Variants in DENND2B observed in about 807,000 individuals in gnomAD.
DENND2B encodes DENN domain containing 2B.
DENND2B carries 32 observed loss-of-function variants against 116.0 expected under a neutral mutation model. That is an observed-to-expected ratio of 0.28 (90% CI 0.21 to 0.37). The LOEUF is 0.37. DENND2B is among the 10% of genes least tolerant of loss of function. The pLI, the probability that DENND2B is intolerant of heterozygous loss-of-function variation, is 1.00. For synonymous variants in DENND2B, 588 were observed against 583.9 expected (o/e 1.01, Z -0.10); for missense variants, 1,276 against 1,477.7 (o/e 0.86, Z 2.24).
In DENND2B at chr11:8,697,593, G is replaced by A; in HGVS notation, c.2984C>T (p.Ala995Val). 9.3e-6 allele frequency: 15 copies of A among 1,614,246 alleles called. No individual in the cohort carries two copies. Among genetic ancestry groups the A allele is most frequent in the Non-Finnish European group, 5.9e-6 (7 of 1,180,018 alleles). The change falls in exon 17 of 20, where the codon GCT becomes GTT. Residue 995 changes from alanine to valine, a missense_variant. Around this residue, in one of 2 missense-constraint regions of DENND2B, gnomAD observed 420 missense variants for 631.1 expected, o/e 0.67. Transcript: ENST00000313726. ...DTLLPRKLQAALEQALERKNE... is the reference protein window; with the variant it reads ...DTLLPRKLQAVLEQALERKNE... ...CTTCCTCTCCAGAGCCTGCTCCAGA[G>A]CTGCCTGTAACTTCCTAGGTAACAA...
At chr11:8,870,332 T>A (rs915721957) in intron 2 of DENND2B, among the ~76,000 whole-genome samples, 1 of 152,242 alleles carries the variant, frequency 6.6e-6, no homozygotes, top group Non-Finnish European at 1.5e-5. Context: ...AATTATTGGA[T>A]AACGTGCCAT....
intron 4 of DENND2B, among the ~76,000 whole-genome samples, chr11:8,820,854 GCTCACATCTGTAAT>G (rs1459552060): frequency 6.6e-6 from 1 of 152,168 alleles, no homozygotes; most frequent in Non-Finnish European, 1.5e-5. Context: ...GGGTGCAGCG[GCTCACATCTGTAAT>G]CCCAGCACTT....
At chr11:8,885,004 C>G (rs1024201735) in intron 1 of DENND2B, among the ~76,000 whole-genome samples, 3 of 152,216 alleles carry the variant, frequency 2.0e-5, no homozygotes, top group Admixed American at 6.5e-5. Flanking sequence ...AGACTCCCAA[C>G]TCTGGATATT....
At chr11:8,786,176 T>C (rs1329162914) in intron 1 of DENND2B, among the ~76,000 whole-genome samples, 1 of 152,192 alleles carries the variant, frequency 6.6e-6, no homozygotes, top group Admixed American at 6.5e-5. Context: ...GCTCAGCTCC[T>C]CACAGAGTGG....
At chr11:8,784,346 G>A (rs1241348376) in intron 1 of DENND2B, 1 of 150,858 alleles carries the variant, frequency 6.6e-6, no homozygotes, top group Non-Finnish European at 1.5e-5. Flanking sequence ...AGGATCACTT[G>A]AGCCCAAGAG....
In DENND2B at chr11:8,707,540, G is replaced by A. The variant is rs1469559435; in HGVS notation, c.2430+237C>T. ...TCTGGCTCTGCCTAGGGCCCAGGGTGGGCTGTGACAGGGGCAGACACTGCC... is the reference window on the plus strand; with the variant it reads ...TCTGGCTCTGCCTAGGGCCCAGGGTAGGCTGTGACAGGGGCAGACACTGCC... On this transcript the variant is annotated intron_variant, in intron 12 of 19. Coordinates refer to ENST00000313726, the MANE Select transcript of DENND2B (RefSeq NM_213618.2). The surrounding 1 kb of genome is among the most constrained non-coding windows in gnomAD (Gnocchi z 4.8). 2.0e-5 allele frequency among the ~76,000 whole-genome samples: 3 copies of A among 152,240 alleles called. No individual in the cohort carries two copies. Among genetic ancestry groups the A allele is most frequent in the African/African-American group, 7.2e-5 (3 of 41,468 alleles).
At chr11:8,840,721 A>T (rs539717060) in intron 3 of DENND2B, among the ~76,000 whole-genome samples, 11 of 152,240 alleles carry the variant, frequency 7.2e-5, no homozygotes, top group African/African-American at 2.6e-4. Flanking sequence ...GCTGTGCAGT[A>T]TCCAGCCCCA....
chr11:8,741,377 G>A (rs1038776050), intron 2 of DENND2B, among the ~76,000 whole-genome samples: 1 of 152,188 alleles, frequency 6.6e-6, no homozygotes, highest in African/African-American at 2.4e-5. Context: ...TGAACACAGA[G>A]AGAATACTGA....
At chr11:8,851,289 A>G (rs1200635990) in intron 3 of DENND2B, among the ~76,000 whole-genome samples, 1 of 152,164 alleles carries the variant, frequency 6.6e-6, no homozygotes, top group African/African-American at 2.4e-5. Flanking sequence ...CACATTGTAC[A>G]TCATAAATAT....
chr11:8,819,989 A>G (rs886097472), intron 4 of DENND2B, among the ~76,000 whole-genome samples: 1 of 152,246 alleles, frequency 6.6e-6, no homozygotes, highest in Non-Finnish European at 1.5e-5. Context: ...TTAAAAGTAA[A>G]AAGTTTTTAA....
intron 1 of DENND2B, among the ~76,000 whole-genome samples, chr11:8,807,597 G>A (rs979689634): frequency 6.6e-6 from 1 of 152,210 alleles, no homozygotes; most frequent in African/African-American, 2.4e-5. Context: ...AGCCCAAGGG[G>A]AGAAGGTACA....
chr11:8,781,786 A>C (rs2134259636), intron 1 of DENND2B, among the ~76,000 whole-genome samples: 1 of 152,332 alleles, frequency 6.6e-6, no homozygotes, highest in South Asian at 2.1e-4. Context: ...ACCCAACTGA[A>C]AAATAAGTAA....
rs766658157 is a variant in DENND2B, at chr11:8,707,077, A to G, written c.2571+8T>C. 1 of 1,610,940 alleles carries G rather than the reference A, an allele frequency of 6.2e-7. No individual in the cohort carries two copies. Among genetic ancestry groups the G allele is most frequent in the South Asian group, 1.1e-5 (1 of 90,538 alleles). Reference sequence around the variant, plus strand: ...TAGCCCGAGAGAAGAGGGTGCAGAAATCCCTACCTCATTGCCAGCACCTGG... The same window carrying G: ...TAGCCCGAGAGAAGAGGGTGCAGAAGTCCCTACCTCATTGCCAGCACCTGG... On this transcript the variant is annotated splice_region_variant and intron_variant, in intron 13 of 19. Transcript: ENST00000313726. The surrounding 1 kb of genome is among the most constrained non-coding windows in gnomAD (Gnocchi z 4.8).
At chr11:8,740,252 T>A (rs147485408) in intron 2 of DENND2B, among the ~76,000 whole-genome samples, 271 of 151,412 alleles carry the variant, frequency 1.8e-3, no homozygotes, top group African/African-American at 6.1e-3. Context: ...TGTGTGCGCA[T>A]GCACATAGAC....
At chr11:8,787,637 T>C (rs2059032310) in intron 1 of DENND2B, among the ~76,000 whole-genome samples, 3 of 152,230 alleles carry the variant, frequency 2.0e-5, no homozygotes, top group Admixed American at 6.5e-5. Flanking sequence ...TCTGGCAAGA[T>C]AGTGAGAAAT....
At chr11:8,735,980 C>T (rs1177938209) in intron 2 of DENND2B, among the ~76,000 whole-genome samples, 2 of 152,218 alleles carry the variant, frequency 1.3e-5, no homozygotes, top group Non-Finnish European at 2.9e-5. Context: ...TCATTCTCCC[C>T]TGTTGGACAA....
chr11:8,899,876 G>C (rs934641827), intron 1 of DENND2B, among the ~76,000 whole-genome samples: 1 of 152,150 alleles, frequency 6.6e-6, no homozygotes, highest in African/African-American at 2.4e-5. Context: ...AGCAATAATT[G>C]TAACACTGTC....
chr11:8,840,520 C>A (rs559234311), intron 3 of DENND2B, among the ~76,000 whole-genome samples: 1 of 152,264 alleles, frequency 6.6e-6, no homozygotes, highest in East Asian at 1.9e-4. Flanking sequence ...TGAACAGCTG[C>A]CCTGGAGAAA....
Position 8,722,640 on chromosome 11 carries a change from T to C in DENND2B, c.1477+3433A>G, listed in dbSNP as rs138823504. On this transcript the variant is annotated intron_variant, in intron 4 of 19. Coordinates refer to ENST00000313726, the MANE Select transcript of DENND2B (RefSeq NM_213618.2). ...CCAGAATCTAACAGAAAGAGAGTAT[T>C]TTCCTCTGTATTTCCCTCTGGCCTC... Among the ~76,000 whole-genome samples the C allele has an allele frequency of 6.6e-5, 10 of 152,222 alleles. No homozygotes were observed. In the East Asian group the frequency reaches 1.7e-3, roughly 26 times the overall value.
Sources: allele counts gnomAD v4.1 joint callset (sites outside exome capture counted in the v4.1 genomes callset), GRCh38; gene constraint gnomAD v4.1.1; regional missense constraint gnomAD v4.1.1; non-coding constraint Gnocchi (gnomAD v3.1); transcripts MANE v1.5; gene names NCBI Gene and HGNC (gene_info 2026-07-23, HGNC 2026-07-21).